DCC: variants seen among roughly 807,000 people sequenced by gnomAD.
DCC encodes DCC netrin 1 receptor, also known as netrin receptor DCC.
DCC carries 58 observed loss-of-function variants against 172.5 expected under a neutral mutation model. The observed-to-expected ratio is 0.34, with a 90% confidence interval of 0.27 to 0.42. DCC has a LOEUF of 0.42. Ranked by LOEUF, DCC falls within the 10% of genes least tolerant of loss-of-function variation. DCC has a pLI of 1.00. For missense variants in DCC, 1,740 were observed against 1,791.0 expected, an observed-to-expected ratio of 0.97 and a Z score of 0.51; for synonymous variants, 709 against 644.5, an observed-to-expected ratio of 1.10 and a Z score of -1.52.
At chr18:53,189,726 T>G (rs763249478) in intron 9 of DCC, among the ~76,000 whole-genome samples, 7 of 152,126 alleles carry the variant, frequency 4.6e-5, no homozygotes, top group Non-Finnish European at 8.8e-5. Flanking sequence ...TTCTGAATAT[T>G]AAGGACTGCA....
At chr18:53,013,767 A>G (rs114602360) in intron 5 of DCC, among the ~76,000 whole-genome samples, 171 of 152,148 alleles carry the variant, frequency 1.1e-3, no homozygotes, top group African/African-American at 3.7e-3. Flanking sequence ...CTCAAGAAAT[A>G]TGTCATATAG....
At chr18:52,659,087 T>C (rs17749090) in intron 1 of DCC, among the ~76,000 whole-genome samples, 11,279 of 152,204 alleles carry the variant, frequency 0.074, 573 homozygotes, top group South Asian at 0.2. Context: ...GTTCCATCAT[T>C]TTACCTTTTG....
At chr18:52,406,181 T>C (rs540752135) in intron 1 of DCC, among the ~76,000 whole-genome samples, 73 of 151,312 alleles carry the variant, frequency 4.8e-4, no homozygotes, top group Non-Finnish European at 9.6e-4. Context: ...TCAAGTTGGA[T>C]TGAAGACTTA....
intron 2 of DCC, among the ~76,000 whole-genome samples, chr18:52,765,181 G>A (rs1276590096): frequency 6.8e-6 from 1 of 147,588 alleles, no homozygotes; most frequent in Non-Finnish European, 1.5e-5. Flanking sequence ...TTACAGGCAT[G>A]TGCTAGCACT....
chr18:52,840,542 G>A (rs181735625), intron 2 of DCC, among the ~76,000 whole-genome samples: 12 of 152,132 alleles, frequency 7.9e-5, no homozygotes, highest in Admixed American at 5.9e-4. Flanking sequence ...TGGTCCAGCT[G>A]TCAAAATACA....
intron 12 of DCC, among the ~76,000 whole-genome samples, chr18:53,239,163 T>C (rs2056249390): frequency 6.7e-6 from 1 of 149,968 alleles, no homozygotes; most frequent in South Asian, 2.1e-4. Context: ...CTGCACGTTG[T>C]GCACATGTAC....
At chr18:52,940,818 A>G (rs1321370204) in intron 5 of DCC, 1 of 152,200 alleles carries the variant, frequency 6.6e-6, no homozygotes, top group African/African-American at 2.4e-5. Flanking sequence ...TCAAAAGGTC[A>G]ATCAAATGCC....
chr18:53,494,085 C>G (rs2045990436), intron 26 of DCC, among the ~76,000 whole-genome samples: 1 of 152,124 alleles, frequency 6.6e-6, no homozygotes, highest in East Asian at 1.9e-4. Flanking sequence ...TTGTTATTTA[C>G]CCAGTAGTCA....
chr18:53,398,647 A>G (rs72931370), intron 18 of DCC, among the ~76,000 whole-genome samples: 390 of 152,256 alleles, frequency 2.6e-3, no homozygotes, highest in Non-Finnish European at 4.1e-3. Context: ...TTTCATCTTA[A>G]TACAAGCAAA....
At chr18:52,808,561 C>T (rs1370099394) in intron 2 of DCC, among the ~76,000 whole-genome samples, 1 of 152,108 alleles carries the variant, frequency 6.6e-6, no homozygotes, top group Non-Finnish European at 1.5e-5. Flanking sequence ...TTGGCATGGT[C>T]AGGAAAATAC....
intron 18 of DCC, among the ~76,000 whole-genome samples, chr18:53,398,238 T>C (rs1477750761): frequency 2.0e-5 from 3 of 152,146 alleles, no homozygotes; most frequent in Admixed American, 2.0e-4. Flanking sequence ...CCTGGGTAAG[T>C]TGAATTTATC....
intron 12 of DCC, among the ~76,000 whole-genome samples, chr18:53,302,537 T>C (rs896661283): frequency 2.0e-5 from 3 of 152,204 alleles, no homozygotes; most frequent in Non-Finnish European, 2.9e-5. Context: ...TTCAACGCTG[T>C]TTGTTGTGTT....
chr18:53,240,902 T>G (rs1226910017), intron 12 of DCC, among the ~76,000 whole-genome samples: 2 of 152,176 alleles, frequency 1.3e-5, no homozygotes, highest in Non-Finnish European at 1.5e-5. Flanking sequence ...TTAGAGAGTC[T>G]TGTTGTACTG....
chr18:52,788,682 T>C (rs1254634966), intron 2 of DCC, among the ~76,000 whole-genome samples: 1 of 152,210 alleles, frequency 6.6e-6, no homozygotes, highest in East Asian at 1.9e-4. Flanking sequence ...TAGTATGATT[T>C]TTCATTTGCC....
chr18:53,052,601 C>T (rs1159377732), intron 5 of DCC, among the ~76,000 whole-genome samples: 2 of 152,002 alleles, frequency 1.3e-5, no homozygotes, highest in African/African-American at 4.8e-5. Context: ...GGATGTTTCA[C>T]GTTTTGTGTA....
At chr18:52,549,608 A>G (rs756978863) in intron 1 of DCC, among the ~76,000 whole-genome samples, 4 of 152,076 alleles carry the variant, frequency 2.6e-5, no homozygotes, top group Non-Finnish European at 2.9e-5. Context: ...AGAATACTAG[A>G]GTAATAAGGT....
intron 1 of DCC, among the ~76,000 whole-genome samples, chr18:52,490,820 A>C (rs1169327576): frequency 6.6e-6 from 1 of 152,130 alleles, no homozygotes; most frequent in Non-Finnish European, 1.5e-5. Flanking sequence ...GAAAAAGAAT[A>C]TGTCTCCAGA....
chr18:52,994,084 T>G (rs1320635060), intron 5 of DCC, among the ~76,000 whole-genome samples: 3 of 152,150 alleles, frequency 2.0e-5, no homozygotes, highest in Admixed American at 6.6e-5. Flanking sequence ...GAGTAGCCAC[T>G]ATGTCTCAGG....
At chr18:52,642,668 T>A (rs1303430688) in intron 1 of DCC, among the ~76,000 whole-genome samples, 2 of 152,192 alleles carry the variant, frequency 1.3e-5, no homozygotes, top group Non-Finnish European at 2.9e-5. Flanking sequence ...TTAATTTTTT[T>A]ATTTTTATTT....
Sources: allele counts gnomAD v4.1 joint callset (sites outside exome capture counted in the v4.1 genomes callset), GRCh38; gene constraint gnomAD v4.1.1; transcripts MANE v1.5; gene names NCBI Gene and HGNC (gene_info 2026-07-23, HGNC 2026-07-21).